TGFBR3: variants seen among roughly 807,000 people sequenced by gnomAD.
TGFBR3 encodes the protein transforming growth factor beta receptor type 3.
Under a neutral mutation model 87.9 loss-of-function variants are expected in TGFBR3, and 46 were observed. That is an observed-to-expected ratio of 0.52 (90% confidence interval 0.41 to 0.67). The LOEUF is 0.67. Among genes scored for constraint, TGFBR3 ranks in the 30% least tolerant of loss-of-function variants. TGFBR3 has a pLI of 0.00. For synonymous variants in TGFBR3, 381 were observed against 391.6 expected (o/e 0.97, Z 0.32); for missense variants, 866 against 1,041.9 (o/e 0.83, Z 2.32).
rs147323872 is a variant in TGFBR3 at position 91,825,842 on chromosome 1, G to A, written c.62-28371C>T. Among the ~76,000 whole-genome samples, 545 of 152,154 alleles carry A rather than the reference G, an allele frequency of 3.6e-3. 5 individuals are homozygous for A. Among genetic ancestry groups the A allele is most frequent in the African/African-American group, 0.012 (496 of 41,516 alleles). The stretch of plus-strand genomic sequence containing the variant: ...CTAGAAATACAAAAATTAGCCAGGC[G>A]TGGTGGTGGGTGCCTGCAGTCCCAG... On this transcript the variant is annotated intron_variant, in intron 2 of 16. Coordinates refer to ENST00000212355, the MANE Select transcript of TGFBR3 (RefSeq NM_003243.5).
chr1:91,865,141 T>C (rs1476767255), intron 1 of TGFBR3, among the ~76,000 whole-genome samples: 1 of 145,908 alleles, frequency 6.9e-6, no homozygotes, highest in East Asian at 2.0e-4. Context: ...AGAGGGAAAT[T>C]GCAATGAGCC....
At chr1:91,829,015 T>C (rs1208257530) in intron 2 of TGFBR3, among the ~76,000 whole-genome samples, 5 of 152,078 alleles carry the variant, frequency 3.3e-5, no homozygotes. Context: ...GCCAGCACTC[T>C]CTACCTCCCA....
At chr1:91,717,122 G>A (rs928238342) in intron 10 of TGFBR3, among the ~76,000 whole-genome samples, 7 of 152,184 alleles carry the variant, frequency 4.6e-5, no homozygotes, top group Admixed American at 2.6e-4. Flanking sequence ...AGAACTACTA[G>A]CAGTTGGCGA....
intron 10 of TGFBR3, among the ~76,000 whole-genome samples, chr1:91,717,360 A>G (rs956990257): frequency 6.6e-6 from 1 of 152,154 alleles, no homozygotes; most frequent in Admixed American, 6.5e-5. Flanking sequence ...ATCTTTCTCT[A>G]TGGTGTATGG....
In TGFBR3 at chr1:91,682,728, ACACT is replaced by A. The variant is rs1376427600; in HGVS notation, c.*1007_*1010del. On this transcript the variant is annotated 3_prime_UTR_variant, in exon 17 of 17. Transcript: ENST00000212355. ...TTAAGTTGACATATTTTGAGTGGAA[ACACT>A]CACCCTACCAAATATACTTAAGTTG... The A allele has an allele frequency of 2.2e-6, 1 of 453,788 alleles. No homozygotes were observed. The highest frequency in any genetic ancestry group is 4.4e-6 in the Non-Finnish European group (1 of 226,764). 28.1% of individuals were successfully genotyped at this position (453,788 alleles called of 1,614,324 possible).
At chr1:91,832,248 T>C (rs1416646926) in intron 2 of TGFBR3, among the ~76,000 whole-genome samples, 1 of 152,198 alleles carries the variant, frequency 6.6e-6, no homozygotes, top group East Asian at 1.9e-4. Flanking sequence ...TATAGGGAAG[T>C]GTAAATGGAA....
intron 1 of TGFBR3, among the ~76,000 whole-genome samples, chr1:91,874,785 G>A (rs993672100): frequency 6.6e-6 from 1 of 152,116 alleles, no homozygotes; most frequent in African/African-American, 2.4e-5. Flanking sequence ...GAGCCACTGC[G>A]CCCAGCCTAG....
intron 3 of TGFBR3, among the ~76,000 whole-genome samples, chr1:91,782,222 A>C (rs557534592): frequency 1.3e-5 from 2 of 152,314 alleles, no homozygotes; most frequent in East Asian, 1.9e-4. Context: ...ACCAAGTGAC[A>C]ATCTAGGGGA....
rs181125491 is a variant in TGFBR3 at position 91,681,391 on chromosome 1, T to C, written c.*2348A>G. ...GACCCAAACAAATAAAAGGTGATTT[T>C]TTTCCTCTCTCTCTCTTTTAAAAAG... On this transcript the variant is annotated 3_prime_UTR_variant, in exon 17 of 17. Coordinates refer to ENST00000212355, the MANE Select transcript of TGFBR3 (RefSeq NM_003243.5). 6.9e-5 allele frequency: 28 copies of C among 405,218 alleles called. No individual in the cohort carries two copies. Among genetic ancestry groups the C allele is most frequent in the African/African-American group, 5.2e-4 (25 of 47,996 alleles). The allele number at this position is 405,218 out of a possible 1,614,324, so 25.1% of individuals were successfully genotyped here. A position where few individuals can be genotyped will look rare whatever the true frequency, so the allele number is the denominator to read the frequency against.
intron 7 of TGFBR3, among the ~76,000 whole-genome samples, chr1:91,722,371 T>C (rs1672399472): frequency 6.6e-6 from 1 of 152,194 alleles, no homozygotes; most frequent in East Asian, 1.9e-4. Context: ...GTATTGCCTA[T>C]GCTGATAAAA....
intron 13 of TGFBR3, among the ~76,000 whole-genome samples, chr1:91,711,250 T>C (rs1371114997): frequency 6.6e-6 from 1 of 152,248 alleles, no homozygotes; most frequent in Admixed American, 6.5e-5. Context: ...CCAATGATTA[T>C]GATCATATCT....
At chr1:91,826,041 G>A (rs1571548452) in intron 2 of TGFBR3, among the ~76,000 whole-genome samples, 1 of 151,618 alleles carries the variant, frequency 6.6e-6, no homozygotes, top group East Asian at 1.9e-4. Context: ...AAAGGAATAC[G>A]AAGTATCCTT....
rs749978314 is a variant in TGFBR3 at position 91,766,198 on chromosome 1, C to CTTT, written c.247-7451_247-7449dup. Among the ~76,000 whole-genome samples the CTTT allele has an allele frequency of 5.0e-3, 573 of 114,422 alleles. 10 individuals are homozygous for CTTT. The highest frequency in any genetic ancestry group is 7.5e-3 in the African/African-American group (218 of 28,994). 75.1% of individuals were successfully genotyped at this position (114,422 alleles called of 152,430 possible). On this transcript the variant is annotated intron_variant, in intron 3 of 16. Coordinates refer to ENST00000212355, the MANE Select transcript of TGFBR3 (RefSeq NM_003243.5). ...CACCATAACCAGCTAAGTTTGTTTTCTTTTTTTTTTTTTTTTTTTGTAGAG... is the reference window on the plus strand; with the variant it reads ...CACCATAACCAGCTAAGTTTGTTTTCTTTTTTTTTTTTTTTTTTTTTTGTAGAG...
chr1:91,898,912 T>A (rs771657571), intron 2 of TGFBR3, among the ~76,000 whole-genome samples: 47 of 152,248 alleles, frequency 3.1e-4, no homozygotes, highest in Admixed American at 1.3e-4. Flanking sequence ...TGCATTACTA[T>A]ACTATTACAA....
chr1:91,709,428 T>C (rs1407946449), intron 13 of TGFBR3, among the ~76,000 whole-genome samples: 2 of 152,218 alleles, frequency 1.3e-5, no homozygotes, highest in Admixed American at 6.5e-5. Flanking sequence ...AAAAACAGAA[T>C]GGTTGTATGG....
rs143587063 is a variant in TGFBR3, at chr1:91,817,635, G to T, written c.62-20164C>A. Among the ~76,000 whole-genome samples the T allele has an allele frequency of 2.6e-3, 396 of 152,262 alleles. 3 individuals are homozygous for T. Among genetic ancestry groups the T allele is most frequent in the African/African-American group, 9.0e-3 (372 of 41,554 alleles). On this transcript the variant is annotated intron_variant, in intron 2 of 16. Transcript: ENST00000212355. ...ATTGCTCTATAAAGCAATCCCTGTGGATACCTATCTTAAACTGCCCTGGCC... is the reference window on the plus strand; with the variant it reads ...ATTGCTCTATAAAGCAATCCCTGTGTATACCTATCTTAAACTGCCCTGGCC...
chr1:91,888,028 G>GTGGAT (rs549565956), upstream of TGFBR3, among the ~76,000 whole-genome samples: 1,476 of 152,252 alleles, frequency 9.7e-3, 25 homozygotes, highest in African/African-American at 0.033. Flanking sequence ...CAATCCCCAT[G>GTGGAT]TGTCCTAGGA....
chr1:91,785,484 T>C (rs971113038), intron 3 of TGFBR3, among the ~76,000 whole-genome samples: 16 of 152,198 alleles, frequency 1.1e-4, no homozygotes, highest in Non-Finnish European at 2.9e-5. Context: ...AGGTAAACTT[T>C]ATGGTACGTA....
At chr1:91,754,866 T>C in intron 4 of TGFBR3, 1 of 152,170 alleles carries the variant, frequency 6.6e-6, no homozygotes, top group East Asian at 1.9e-4. Context: ...ATGCTATTAC[T>C]TGAACTTTTC....
Sources: gnomAD v4.1 joint callset for allele counts (sites outside exome capture counted in the v4.1 genomes callset) on GRCh38, gnomAD v4.1.1 for gene constraint, MANE v1.5 for transcripts, NCBI Gene and HGNC (gene_info 2026-07-23, HGNC 2026-07-21) for gene names.